The following CSPP1 variants were observed in gnomAD, a reference collection of about 807,000 sequenced individuals.
CSPP1 encodes centrosome and spindle pole associated protein 1, also known as centrosome and spindle pole-associated protein 1.
In CSPP1, 126 loss-of-function variants were observed where a neutral mutation model predicts 164.4. That is an observed-to-expected ratio of 0.77 (90% CI 0.66 to 0.89). The LOEUF is 0.89. Ranked by LOEUF, CSPP1 falls within the 40% of genes least tolerant of loss-of-function variation. The pLI is 0.00. For synonymous variants in CSPP1, 472 were observed against 476.7 expected (o/e 0.99, Z 0.13); for missense variants, 1,395 against 1,449.8 (o/e 0.96, Z 0.61).
chr8:67,079,145 C>T (rs1231730036), intron 3 of CSPP1, among the ~76,000 whole-genome samples: 2 of 152,064 alleles, frequency 1.3e-5, no homozygotes, highest in African/African-American at 2.4e-5. Flanking sequence ...ATACATTCCC[C>T]GAGTGTCCAT....
intron 3 of CSPP1, 76 bp from the exon 4 acceptor site, chr8:67,085,931 T>C: frequency 1.3e-6 from 1 of 741,856 alleles, no homozygotes; most frequent in Non-Finnish European, 2.5e-6. Context: ...TCCTTCTTAC[T>C]GTGCTTTGTT....
At chr8:67,195,269 T>G in intron 30 of CSPP1, 113 bp from the exon 31 acceptor site, 1 of 763,138 alleles carries the variant, frequency 1.3e-6, no homozygotes, top group Non-Finnish European at 2.4e-6. Context: ...GTTCAGGATA[T>G]GAGACTGTGG....
chr8:67,094,419 G>A (rs1812301351), intron 6 of CSPP1, among the ~76,000 whole-genome samples: 1 of 151,026 alleles, frequency 6.6e-6, no homozygotes, highest in Non-Finnish European at 1.5e-5. Flanking sequence ...GATTACAGGT[G>A]CCTGCCACCA....
chr8:67,146,121 T>A (rs768979702), intron 17 of CSPP1, among the ~76,000 whole-genome samples: 1 of 148,006 alleles, frequency 6.8e-6, no homozygotes, highest in Non-Finnish European at 1.5e-5. Flanking sequence ...AATATACTTT[T>A]CTTTTTTTTT....
intron 18 of CSPP1, among the ~76,000 whole-genome samples, chr8:67,150,249 C>G (rs984756621): frequency 1.8e-4 from 28 of 152,192 alleles, no homozygotes; most frequent in African/African-American, 6.5e-4. Flanking sequence ...TTTTTACACA[C>G]ATACACAATT....
At chr8:67,155,621 C>G (rs1826516462) in intron 19 of CSPP1, among the ~76,000 whole-genome samples, 1 of 152,070 alleles carries the variant, frequency 6.6e-6, no homozygotes, top group Admixed American at 6.6e-5. Context: ...CATGATGAAA[C>G]CCCATTTCTA....
Position 67,190,715 on chromosome 8 carries a change from T to G in CSPP1, c.3286T>G (p.Ser1096Ala). The change falls in exon 29 of 31, where the codon TCT becomes GCT. Residue 1096 changes from serine to alanine, a missense_variant. Coordinates refer to ENST00000678616, the MANE Select transcript of CSPP1 (RefSeq NM_001382391.1). Reference protein sequence around the residue: ...DVLPPPSQLPSARERRRNKWK... With the variant: ...DVLPPPSQLPAARERRRNKWK... ...CCTCCCTCCACCATCACAGTTGCCC[T>G]CTGCACGGGAGCGCAGGAGGAACAA... 6.2e-7 allele frequency: 1 copy of G among 1,614,086 alleles called. No homozygotes were observed. The highest frequency in any genetic ancestry group is 8.5e-7 in the Non-Finnish European group (1 of 1,179,954).
intron 1 of CSPP1, chr8:67,069,145 C>A (rs1335833565): frequency 2.0e-5 from 3 of 152,198 alleles, no homozygotes; most frequent in Non-Finnish European, 1.5e-5. Flanking sequence ...CCGTGCATTC[C>A]TTAATGCAAT....
chr8:67,153,481 C>T (rs562761843), intron 18 of CSPP1, among the ~76,000 whole-genome samples: 16 of 151,842 alleles, frequency 1.1e-4, no homozygotes, highest in Non-Finnish European at 1.5e-4. Context: ...AAAATAAAAA[C>T]GATTACAATA....
intron 16 of CSPP1, chr8:67,134,205 G>C (rs1445542698): frequency 2.6e-5 from 4 of 152,152 alleles, no homozygotes; most frequent in African/African-American, 9.7e-5. Flanking sequence ...AGATTTCCCA[G>C]ATCCATCAGA....
chr8:67,192,760 A>G (rs1347115080), intron 29 of CSPP1, among the ~76,000 whole-genome samples: 1 of 152,184 alleles, frequency 6.6e-6, no homozygotes, highest in East Asian at 1.9e-4. Flanking sequence ...GCATTTGTTT[A>G]AAGACTGTTC....
At chr8:67,173,302 G>A (rs1830837641) in intron 25 of CSPP1, among the ~76,000 whole-genome samples, 1 of 152,150 alleles carries the variant, frequency 6.6e-6, no homozygotes, top group Non-Finnish European at 1.5e-5. Flanking sequence ...TAGCCACTTA[G>A]GGCTAATGGA....
intron 6 of CSPP1, among the ~76,000 whole-genome samples, chr8:67,094,566 C>T (rs1461579381): frequency 1.3e-5 from 2 of 151,830 alleles, no homozygotes; most frequent in Admixed American, 6.6e-5. Flanking sequence ...GCCACCAGGC[C>T]CTGCCACAGA....
Position 67,175,437 on chromosome 8 carries a change from G to A in CSPP1, c.3109+1G>A, listed in dbSNP as rs926218821. On this transcript the variant is annotated splice_donor_variant, in intron 26 of 30. Transcript: ENST00000678616. LOFTEE classifies it high-confidence loss of function. ...ATAAAAATGCAGGAAGGTGCCAAAG[G>A]TAAGAAATAATCATTGCTGTGTCAA... 16 of 1,613,968 alleles carry A rather than the reference G, an allele frequency of 9.9e-6. No individual in the cohort carries two copies. The highest frequency in any genetic ancestry group is 1.7e-5 in the Admixed American group (1 of 59,992).
chr8:67,180,006 C>A, intron 28 of CSPP1, 80 bp downstream of exon 28: 1 of 745,680 alleles, frequency 1.3e-6, no homozygotes, highest in Non-Finnish European at 2.2e-6. Flanking sequence ...TACTGTATTC[C>A]TTGTTGTACA....
chr8:67,123,438 AT>A (rs1471462066), intron 15 of CSPP1, among the ~76,000 whole-genome samples: 2 of 151,914 alleles, frequency 1.3e-5, no homozygotes, highest in African/African-American at 4.8e-5. Context: ...ATGGTGTATG[AT>A]TTTTCGTATT....
At chr8:67,112,695 A>G (rs751506576) in intron 10 of CSPP1, among the ~76,000 whole-genome samples, 1 of 152,142 alleles carries the variant, frequency 6.6e-6, no homozygotes, top group African/African-American at 2.4e-5. Context: ...CTAACTAATA[A>G]CTAGTCTTCC....
intron 4 of CSPP1, among the ~76,000 whole-genome samples, chr8:67,086,611 G>A (rs1810452553): frequency 6.6e-6 from 1 of 151,970 alleles, no homozygotes; most frequent in Non-Finnish European, 1.5e-5. Flanking sequence ...TTATATAATG[G>A]CCAAAGTAAG....
At chr8:67,094,226 A>T (rs931194031) in intron 6 of CSPP1, among the ~76,000 whole-genome samples, 16 of 148,158 alleles carry the variant, frequency 1.1e-4, no homozygotes, top group African/African-American at 3.9e-4. Context: ...AAATATTTTG[A>T]AGTAATATCT....
Sources: allele counts gnomAD v4.1 joint callset (sites outside exome capture counted in the v4.1 genomes callset), GRCh38; gene constraint gnomAD v4.1.1; transcripts MANE v1.5; gene names NCBI Gene and HGNC (gene_info 2026-07-23, HGNC 2026-07-21).